PRKG1: variants seen among roughly 807,000 people sequenced by gnomAD.
PRKG1 encodes cGMP-dependent protein kinase 1.
Under a neutral mutation model 88.1 loss-of-function variants are expected in PRKG1, and 35 were observed. That is an observed-to-expected ratio of 0.40 (90% confidence interval 0.30 to 0.53). PRKG1 has a LOEUF of 0.53. Among genes scored for constraint, PRKG1 ranks in the 20% least tolerant of loss-of-function variants. The probability of loss-of-function intolerance (pLI) is 0.59; values close to 1 mark genes in which losing one functional copy is unlikely to be tolerated. For synonymous variants in PRKG1, 303 were observed against 292.5 expected (o/e 1.04, Z -0.37); for missense variants, 540 against 839.8 (o/e 0.64, Z 4.41).
intron 4 of PRKG1, among the ~76,000 whole-genome samples, chr10:51,884,338 G>A (rs1177081492): frequency 5.4e-4 from 78 of 143,786 alleles, no homozygotes; most frequent in Admixed American, 9.3e-4. Flanking sequence ...CCAGCTACAC[G>A]GGAGGCTGAG....
intron 14 of PRKG1, among the ~76,000 whole-genome samples, chr10:52,284,977 C>A (rs1337806289): frequency 1.3e-5 from 2 of 152,038 alleles, no homozygotes; most frequent in Non-Finnish European, 2.9e-5. Context: ...TATAAGGCAA[C>A]AAACAGTAGT....
chr10:50,993,971 G>T (rs992745965), intron 1 of PRKG1, among the ~76,000 whole-genome samples: 12 of 152,194 alleles, frequency 7.9e-5, no homozygotes, highest in Non-Finnish European at 1.8e-4. Flanking sequence ...AGTGGATCAT[G>T]CGCAGTAGCC....
In PRKG1 at chr10:52,280,937, G is replaced by A; in HGVS notation, c.1545+7G>A. The A allele has an allele frequency of 1.2e-6, 2 of 1,611,680 alleles. No homozygotes were observed. Among genetic ancestry groups the A allele is most frequent in the South Asian group, 2.2e-5 (2 of 90,844 alleles). ...CCGAGGTTATGCCAAACTGGTCAGT[G>A]CATTTCATACGTGCTTTCTGCCCTG... On this transcript the variant is annotated splice_region_variant and intron_variant, in intron 13 of 17. Transcript: ENST00000373980.
chr10:51,124,726 A>G (rs1394996684), intron 1 of PRKG1, among the ~76,000 whole-genome samples: 1 of 152,192 alleles, frequency 6.6e-6, no homozygotes, highest in Non-Finnish European at 1.5e-5. Context: ...ATTGTTCTAT[A>G]ATCCTTTTGT....
intron 2 of PRKG1, among the ~76,000 whole-genome samples, chr10:51,286,859 T>C (rs570336557): frequency 6.6e-6 from 1 of 152,222 alleles, no homozygotes; most frequent in East Asian, 1.9e-4. Context: ...TTCAAAGCCA[T>C]AGTGTTTTCT....
At chr10:52,077,958 G>A (rs967649275) in intron 7 of PRKG1, among the ~76,000 whole-genome samples, 2 of 152,170 alleles carry the variant, frequency 1.3e-5, no homozygotes. Flanking sequence ...GTCAATTTCT[G>A]TGCTTAGAGG....
chr10:51,009,455 G>A (rs988825189), intron 1 of PRKG1, among the ~76,000 whole-genome samples: 1 of 152,150 alleles, frequency 6.6e-6, no homozygotes, highest in African/African-American at 2.4e-5. Flanking sequence ...AGCTTTACTA[G>A]AGGGTTTTTG....
intron 2 of PRKG1, among the ~76,000 whole-genome samples, chr10:51,430,177 A>C (rs1237213731): frequency 4.6e-5 from 7 of 151,432 alleles, no homozygotes; most frequent in Admixed American, 1.3e-4. Context: ...GCACTTTTGG[A>C]GGCTGAGACA....
chr10:51,213,132 G>A (rs1421715722), intron 2 of PRKG1, among the ~76,000 whole-genome samples: 1 of 152,174 alleles, frequency 6.6e-6, no homozygotes, highest in Non-Finnish European at 1.5e-5. Context: ...ATACTATGCA[G>A]CCATAAAAAA....
intron 3 of PRKG1, among the ~76,000 whole-genome samples, chr10:51,614,520 A>AT (rs150018520): frequency 0.048 from 7,323 of 151,816 alleles, 211 homozygotes; most frequent in Middle Eastern, 0.088. Flanking sequence ...AATTTAATCT[A>AT]TTTATATTCA....
chr10:51,211,214 C>A (rs1227031425), intron 2 of PRKG1, among the ~76,000 whole-genome samples: 2 of 152,016 alleles, frequency 1.3e-5, no homozygotes, highest in African/African-American at 4.8e-5. Flanking sequence ...ACGACAAAAA[C>A]CACATGACTA....
intron 1 of PRKG1, among the ~76,000 whole-genome samples, chr10:51,015,436 C>G (rs1443897238): frequency 6.6e-6 from 1 of 152,172 alleles, no homozygotes; most frequent in Admixed American, 6.5e-5. Flanking sequence ...ACTTTGAAGG[C>G]TAGTAGGAAT....
At chr10:51,183,702 T>C (rs1421670197) in intron 2 of PRKG1, among the ~76,000 whole-genome samples, 1 of 152,180 alleles carries the variant, frequency 6.6e-6, no homozygotes, top group Non-Finnish European at 1.5e-5. Flanking sequence ...CTTGCCTATA[T>C]TTATATATCT....
At chr10:52,085,790 G>C (rs1489410528) in intron 7 of PRKG1, among the ~76,000 whole-genome samples, 1 of 151,980 alleles carries the variant, frequency 6.6e-6, no homozygotes, top group Non-Finnish European at 1.5e-5. Context: ...ATTCCTTCTT[G>C]TATCCCCTAT....
intron 2 of PRKG1, among the ~76,000 whole-genome samples, chr10:51,331,616 C>T (rs1841743911): frequency 6.6e-6 from 1 of 152,282 alleles, no homozygotes; most frequent in Admixed American, 6.5e-5. Flanking sequence ...TTTCTATCAT[C>T]ATCAATGTGT....
At chr10:51,107,321 T>G (rs1242305720) in intron 1 of PRKG1, among the ~76,000 whole-genome samples, 1 of 152,106 alleles carries the variant, frequency 6.6e-6, no homozygotes, top group African/African-American at 2.4e-5. Context: ...TAGCAAACAC[T>G]GCGAGGATTT....
chr10:51,001,495 A>G (rs1477478001), intron 1 of PRKG1, among the ~76,000 whole-genome samples: 1 of 152,274 alleles, frequency 6.6e-6, no homozygotes, highest in East Asian at 1.9e-4. Flanking sequence ...AAAAAAAATT[A>G]GATTATTCCA....
intron 2 of PRKG1, among the ~76,000 whole-genome samples, chr10:51,358,581 ATG>A (rs1210649191): frequency 1.3e-5 from 2 of 151,960 alleles, no homozygotes. Flanking sequence ...TAAACAAGAT[ATG>A]TCCACTGTTT....
intron 10 of PRKG1, among the ~76,000 whole-genome samples, chr10:52,268,702 A>G (rs562413264): frequency 4.0e-4 from 61 of 152,080 alleles, no homozygotes; most frequent in Non-Finnish European, 7.6e-4. Flanking sequence ...AAAAAACCTG[A>G]ACATGAATCC....
Sources: allele counts gnomAD v4.1 joint callset (sites outside exome capture counted in the v4.1 genomes callset), GRCh38; gene constraint gnomAD v4.1.1; transcripts MANE v1.5; gene names NCBI Gene and HGNC (gene_info 2026-07-23, HGNC 2026-07-21).